Variants in GPC3 observed in about 807,000 individuals in gnomAD.
GPC3 encodes glypican-3.
A neutral mutation model predicts 34.4 loss-of-function variants in GPC3; 3 were observed. That is an observed-to-expected ratio of 0.09 (90% CI 0.04 to 0.23). GPC3 has a LOEUF of 0.23. GPC3 is among the 10% of genes least tolerant of loss of function. The pLI is 1.00. For synonymous variants in GPC3, 177 were observed against 174.0 expected, an observed-to-expected ratio of 1.02 and a Z score of -0.13; for missense variants, 351 against 445.6, an observed-to-expected ratio of 0.79 and a Z score of 1.91.
intron 7 of GPC3, among the ~76,000 whole-genome samples, chrX:133,540,915 G>GGTGT (rs369378252): frequency 0.013 from 1,168 of 91,666 alleles, 7 homozygotes; most frequent in African/African-American, 0.031. Flanking sequence ...ACATTGTTGT[G>GGTGT]GTGTGTGTGT....
intron 2 of GPC3, among the ~76,000 whole-genome samples, chrX:133,865,049 T>C (rs1234175634): frequency 8.9e-6 from 1 of 112,487 alleles, no homozygotes; most frequent in East Asian, 2.8e-4. Context: ...TTTTTTTTAA[T>C]TTAGCATGTC....
chrX:133,703,992 T>G (rs991082215), intron 3 of GPC3, among the ~76,000 whole-genome samples: 6 of 112,034 alleles, frequency 5.4e-5, no homozygotes, highest in African/African-American at 1.9e-4. Flanking sequence ...AAAAATATCA[T>G]AATGTTTTAA....
At chrX:133,885,153 ATCACTAT>A (rs1243593419) in intron 2 of GPC3, among the ~76,000 whole-genome samples, 1 of 111,940 alleles carries the variant, frequency 8.9e-6, no homozygotes, top group Non-Finnish European at 1.9e-5. Context: ...TCACCTATCT[ATCACTAT>A]TGGTCAGCTA....
chrX:133,588,045 G>C (rs944270175), intron 7 of GPC3, among the ~76,000 whole-genome samples: 1 of 111,531 alleles, frequency 9.0e-6, no homozygotes, highest in Non-Finnish European at 1.9e-5. Context: ...AGTGGATGAC[G>C]TGGGGTCGCT....
intron 6 of GPC3, among the ~76,000 whole-genome samples, chrX:133,627,457 G>A (rs1418836044): frequency 9.0e-6 from 1 of 111,565 alleles, no homozygotes; most frequent in Non-Finnish European, 1.9e-5. Context: ...ATATTAACAG[G>A]GACTGTGTGA....
chrX:133,840,923 T>A (rs1048477448), intron 2 of GPC3, among the ~76,000 whole-genome samples: 1 of 111,509 alleles, frequency 9.0e-6, no homozygotes, highest in African/African-American at 3.3e-5. Context: ...TGACAGTGAC[T>A]CTCAGGCATC....
At position 133,633,087 on chromosome X, in the gene GPC3, G is replaced by A. The variant is rs373692933; in HGVS notation, c.1413+28643C>T. ...CAATAAAACTTTCTTAAAACCTTAG[G>A]GAGCACTGAATATAATATATTTTAA... is the stretch of plus-strand genomic sequence containing the variant. On this transcript the variant is annotated intron_variant, in intron 6 of 7. Transcript: ENST00000370818. Among the ~76,000 whole-genome samples the A allele has an allele frequency of 5.0e-4, 55 of 111,002 alleles. No individual in the cohort carries two copies. In the East Asian group the frequency reaches 0.013, roughly 27 times the overall value.
chrX:133,771,937 T>C (rs1043814732), intron 2 of GPC3, among the ~76,000 whole-genome samples: 6 of 111,539 alleles, frequency 5.4e-5, no homozygotes, highest in Admixed American at 9.5e-5. Flanking sequence ...TCCATTCCTA[T>C]GCTGTGTTTA....
At chrX:133,852,985 C>CAAAAA (rs33927142) in intron 2 of GPC3, among the ~76,000 whole-genome samples, 3 of 42,118 alleles carry the variant, frequency 7.1e-5, no homozygotes, top group Non-Finnish European at 1.2e-4. Flanking sequence ...TTTTAAATTC[C>CAAAAA]AAAAAAAAAA....
At chrX:133,865,912 T>C (rs947940840) in intron 2 of GPC3, among the ~76,000 whole-genome samples, 1 of 112,384 alleles carries the variant, frequency 8.9e-6, no homozygotes, top group African/African-American at 3.2e-5. Context: ...ACAGCTTAAG[T>C]AGCTCTTTAA....
chrX:133,559,173 C>T (rs746524972), intron 7 of GPC3, among the ~76,000 whole-genome samples: 2 of 110,420 alleles, frequency 1.8e-5, no homozygotes, highest in African/African-American at 3.3e-5. Flanking sequence ...CTGCAACCTC[C>T]GCCTCACAGG....
At position 133,953,729 on chromosome X, in the gene GPC3, A is replaced by G. The variant is rs183183932; in HGVS notation, c.176-518T>C. On this transcript the variant is annotated intron_variant, in intron 1 of 7. Transcript: ENST00000370818. ...CATATCAAAGCTGTGTTGTTGTTTT[A>G]ACTAAAGGTCTGAAGCAAGATACAA... Among the ~76,000 whole-genome samples the G allele has an allele frequency of 1.5e-4, 17 of 112,215 alleles. No homozygotes were observed. The South Asian group carries it at 3.3e-3, about 22-fold the overall frequency.
intron 7 of GPC3, among the ~76,000 whole-genome samples, chrX:133,572,851 T>C (rs955571157): frequency 3.6e-5 from 4 of 111,681 alleles, no homozygotes; most frequent in African/African-American, 1.3e-4. Flanking sequence ...TCAACAACAA[T>C]CATTCACAAC....
chrX:133,671,175 T>C, intron 5 of GPC3: 1 of 1,140,268 alleles, frequency 8.8e-7, no homozygotes, highest in Non-Finnish European at 1.2e-6. Context: ...AGAACTCATT[T>C]TGGTGGTGGC....
chrX:133,958,873 G>A (rs2124638302), intron 1 of GPC3, among the ~76,000 whole-genome samples: 1 of 103,407 alleles, frequency 9.7e-6, no homozygotes, highest in South Asian at 4.8e-4. Context: ...GAGACAGAGT[G>A]AGACTTCGTC....
At chrX:133,606,616 GT>G (rs1235874254) in intron 6 of GPC3, among the ~76,000 whole-genome samples, 1 of 110,471 alleles carries the variant, frequency 9.1e-6, no homozygotes, top group Non-Finnish European at 1.9e-5. Flanking sequence ...TAGAGACAGG[GT>G]CTCCCTATAT....
At chrX:133,822,681 A>C (rs1357865432) in intron 2 of GPC3, among the ~76,000 whole-genome samples, 1 of 111,710 alleles carries the variant, frequency 9.0e-6, no homozygotes, top group East Asian at 2.8e-4. Context: ...ATGCATGTCC[A>C]TGGATAAGGA....
At chrX:133,749,104 A>C (rs1405970307) in intron 3 of GPC3, among the ~76,000 whole-genome samples, 1 of 111,482 alleles carries the variant, frequency 9.0e-6, no homozygotes, top group African/African-American at 3.3e-5. Context: ...CAAAAAAAAT[A>C]CAAAAAATTA....
intron 3 of GPC3, among the ~76,000 whole-genome samples, chrX:133,731,302 C>T (rs1344618372): frequency 8.9e-6 from 1 of 112,756 alleles, no homozygotes; most frequent in African/African-American, 3.2e-5. Flanking sequence ...CTTTCTTGGA[C>T]ATGTGTGCAT....
Sources: gnomAD v4.1 joint callset for allele counts (sites outside exome capture counted in the v4.1 genomes callset) on GRCh38, gnomAD v4.1.1 for gene constraint, MANE v1.5 for transcripts, NCBI Gene and HGNC (gene_info 2026-07-23, HGNC 2026-07-21) for gene names.